Variants in RALYL observed in about 807,000 individuals in gnomAD.
RALYL encodes RALY RNA binding protein like, also known as RNA-binding Raly-like protein.
Under a neutral mutation model 35.1 loss-of-function variants are expected in RALYL, and 29 were observed. That is an observed-to-expected ratio of 0.83 (90% CI 0.61 to 1.13). The LOEUF is 1.13. Ranked by LOEUF, RALYL falls within the 50% of genes most tolerant of loss-of-function variation. The pLI is 0.00. For synonymous variants in RALYL, 120 were observed against 127.6 expected, an observed-to-expected ratio of 0.94 and a Z score of 0.40; for missense variants, 359 against 360.4, an observed-to-expected ratio of 1.00 and a Z score of 0.03.
chr8:84,658,917 A>G (rs377091837), intron 2 of RALYL, among the ~76,000 whole-genome samples: 2 of 152,072 alleles, frequency 1.3e-5, no homozygotes. Context: ...TGCCGTGAAA[A>G]CACAAGGGCT....
intron 1 of RALYL, among the ~76,000 whole-genome samples, chr8:84,224,667 T>TA (rs1321197963): frequency 1.3e-5 from 2 of 151,998 alleles, no homozygotes; most frequent in African/African-American, 4.8e-5. Context: ...ATTACTTTTT[T>TA]TTTTTTTGAC....
At chr8:84,319,533 G>T (rs939934806) in intron 1 of RALYL, among the ~76,000 whole-genome samples, 1 of 152,040 alleles carries the variant, frequency 6.6e-6, no homozygotes, top group Non-Finnish European at 1.5e-5. Flanking sequence ...ACAGAGGAAG[G>T]CTTCTTTAAG....
At chr8:84,427,164 C>G (rs1364075950) in intron 1 of RALYL, among the ~76,000 whole-genome samples, 1 of 152,184 alleles carries the variant, frequency 6.6e-6, no homozygotes, top group Non-Finnish European at 1.5e-5. Flanking sequence ...CCAATGGAAA[C>G]TAGCAAGTGT....
At chr8:84,787,770 C>T (rs1819881156) in intron 3 of RALYL, among the ~76,000 whole-genome samples, 1 of 152,158 alleles carries the variant, frequency 6.6e-6, no homozygotes, top group African/African-American at 2.4e-5. Flanking sequence ...CTCTAATGAC[C>T]AGTGATGGTG....
chr8:84,711,511 C>T (rs1219078392), intron 2 of RALYL, among the ~76,000 whole-genome samples: 1 of 152,052 alleles, frequency 6.6e-6, no homozygotes. Flanking sequence ...TATAAATATC[C>T]TTGTATTCTT....
At chr8:84,577,925 A>G (rs553048691) in intron 2 of RALYL, among the ~76,000 whole-genome samples, 3 of 152,370 alleles carry the variant, frequency 2.0e-5, no homozygotes, top group African/African-American at 4.8e-5. Context: ...ATCTAATGTG[A>G]CACTGGCATG....
intron 3 of RALYL, among the ~76,000 whole-genome samples, chr8:84,791,833 C>T (rs560451652): frequency 3.2e-4 from 48 of 152,180 alleles, no homozygotes; most frequent in Non-Finnish European, 5.9e-4. Flanking sequence ...GGGCTGAGTT[C>T]AGTCAAATAG....
At chr8:84,604,658 G>T (rs1816721840) in intron 2 of RALYL, among the ~76,000 whole-genome samples, 2 of 152,102 alleles carry the variant, frequency 1.3e-5, no homozygotes, top group African/African-American at 2.4e-5. Flanking sequence ...CTCTGATACT[G>T]TAGTACATTT....
At chr8:84,789,023 G>A (rs567330691) in intron 3 of RALYL, among the ~76,000 whole-genome samples, 1 of 152,290 alleles carries the variant, frequency 6.6e-6, no homozygotes, top group South Asian at 2.1e-4. Flanking sequence ...CTTTGCTGCT[G>A]CTTTGAAAGG....
At chr8:84,203,166 C>A (rs1817300922) in intron 1 of RALYL, among the ~76,000 whole-genome samples, 1 of 152,098 alleles carries the variant, frequency 6.6e-6, no homozygotes, top group South Asian at 2.1e-4. Flanking sequence ...AATGTGGAGC[C>A]TTTCTAGGGA....
rs182755844 is a variant in RALYL at position 84,608,982 on chromosome 8, G to A, written c.256+79405G>A. On this transcript the variant is annotated intron_variant, in intron 2 of 8. Transcript: ENST00000521268. ...GGAATCTGAAATCCAGAGAGTTGAA[G>A]CAATTTGCCCCCAATCCCACAGCTA... Among the ~76,000 whole-genome samples the A allele has an allele frequency of 2.0e-5, 3 of 152,092 alleles. No homozygotes were observed. The East Asian group carries it at 5.8e-4, about 30-fold the overall frequency.
At chr8:84,659,250 C>T (rs1830474163) in intron 2 of RALYL, among the ~76,000 whole-genome samples, 1 of 152,018 alleles carries the variant, frequency 6.6e-6, no homozygotes, top group Non-Finnish European at 1.5e-5. Context: ...GAAGCAGCAT[C>T]AGGCAGAGAG....
chr8:84,774,449 G>A (rs1475347242), intron 2 of RALYL, 130 bp from the exon 3 acceptor site: 5 of 649,744 alleles, frequency 7.7e-6, no homozygotes, highest in Admixed American at 2.8e-5. Flanking sequence ...ATAAACATAT[G>A]TTGAATGAAT....
intron 2 of RALYL, among the ~76,000 whole-genome samples, chr8:84,568,551 T>C (rs2061958513): frequency 1.8e-5 from 1 of 55,328 alleles, no homozygotes; most frequent in Non-Finnish European, 3.4e-5. Context: ...TTATAATCCT[T>C]TGGGTATATA....
chr8:84,745,606 C>T (rs951121480), intron 2 of RALYL, among the ~76,000 whole-genome samples: 5 of 151,928 alleles, frequency 3.3e-5, no homozygotes, highest in Non-Finnish European at 7.4e-5. Flanking sequence ...ATGAGGTCTC[C>T]ACTTGCAAGG....
chr8:84,340,286 G>A (rs190715454), intron 1 of RALYL, among the ~76,000 whole-genome samples: 6 of 152,142 alleles, frequency 3.9e-5, no homozygotes, highest in African/African-American at 1.4e-4. Flanking sequence ...CTTAAAAAAA[G>A]TAGTAAGAAC....
At chr8:84,313,678 C>T (rs1843222995) in intron 1 of RALYL, among the ~76,000 whole-genome samples, 1 of 152,166 alleles carries the variant, frequency 6.6e-6, no homozygotes, top group African/African-American at 2.4e-5. Context: ...CAAGAGTCAC[C>T]TTTGCTTCAC....
In RALYL at chr8:84,890,523, A is replaced by G. The variant is rs151336514; in HGVS notation, c.858+2747A>G. On this transcript the variant is annotated intron_variant, in intron 8 of 8. Transcript: ENST00000521268. ...GAATTAATAGAGTAGTATTTTGCAA[A>G]CTTTAAGATGTATCAGAACTACTTA... 2.1e-3 allele frequency among the ~76,000 whole-genome samples: 322 copies of G among 152,304 alleles called. 1 individual carries two copies. Among genetic ancestry groups the G allele is most frequent in the African/African-American group, 7.3e-3 (302 of 41,568 alleles).
chr8:84,754,065 A>G (rs1249532724), intron 2 of RALYL, among the ~76,000 whole-genome samples: 2 of 151,872 alleles, frequency 1.3e-5, no homozygotes, highest in Non-Finnish European at 2.9e-5. Context: ...GTAGGTTGCG[A>G]AAATTTTCTC....
Sources: allele counts gnomAD v4.1 joint callset (sites outside exome capture counted in the v4.1 genomes callset), GRCh38; gene constraint gnomAD v4.1.1; transcripts MANE v1.5; gene names NCBI Gene and HGNC (gene_info 2026-07-23, HGNC 2026-07-21).